KIAA1217: variants seen among roughly 807,000 people sequenced by gnomAD.
KIAA1217 encodes the protein sickle tail protein homolog.
Under a neutral mutation model 163.9 loss-of-function variants are expected in KIAA1217, and 88 were observed. The observed-to-expected ratio is 0.54, with a 90% CI of 0.45 to 0.64. KIAA1217 has a LOEUF of 0.64. Ranked by LOEUF, KIAA1217 falls within the 30% of genes least tolerant of loss-of-function variation. The pLI, the probability that KIAA1217 is intolerant of heterozygous loss-of-function variation, is 0.00. For missense variants in KIAA1217, 2,372 were observed against 2,475.0 expected (o/e 0.96, Z 0.88); for synonymous variants, 903 against 923.1 (o/e 0.98, Z 0.39).
intron 2 of KIAA1217, among the ~76,000 whole-genome samples, chr10:24,069,115 C>T (rs1002149778): frequency 6.6e-6 from 1 of 152,174 alleles, no homozygotes; most frequent in African/African-American, 2.4e-5. Flanking sequence ...GGGGGCAGAG[C>T]TACGGCAAGT....
At chr10:24,461,528 G>A (rs2062408681) in intron 5 of KIAA1217, among the ~76,000 whole-genome samples, 2 of 151,842 alleles carry the variant, frequency 1.3e-5, no homozygotes, top group African/African-American at 4.8e-5. Context: ...CTAGTTTTTT[G>A]TACTTTTAGT....
intron 1 of KIAA1217, among the ~76,000 whole-genome samples, chr10:23,705,226 T>G (rs1836809958): frequency 6.6e-6 from 1 of 152,170 alleles, no homozygotes; most frequent in Admixed American, 6.6e-5. Flanking sequence ...TCCTGTAGGT[T>G]TTCTTTTCAG....
At chr10:24,397,815 C>T (rs1378419970) in intron 3 of KIAA1217, among the ~76,000 whole-genome samples, 2 of 152,160 alleles carry the variant, frequency 1.3e-5, no homozygotes, top group Non-Finnish European at 2.9e-5. Context: ...CTATCCAGTG[C>T]CATTCACACC....
intron 1 of KIAA1217, among the ~76,000 whole-genome samples, chr10:23,948,784 T>TAA (rs1844180745): frequency 6.6e-6 from 1 of 152,084 alleles, no homozygotes; most frequent in Non-Finnish European, 1.5e-5. Context: ...ATGAATAAAA[T>TAA]AATAGATAAA....
At chr10:24,034,850 G>A (rs1489713575) in intron 2 of KIAA1217, among the ~76,000 whole-genome samples, 3 of 150,726 alleles carry the variant, frequency 2.0e-5, no homozygotes, top group Non-Finnish European at 3.0e-5. Flanking sequence ...AACACAGGAT[G>A]TTGTTCTCCC....
intron 5 of KIAA1217, among the ~76,000 whole-genome samples, chr10:24,452,838 C>T (rs1273421531): frequency 6.6e-6 from 1 of 152,070 alleles, no homozygotes; most frequent in Non-Finnish European, 1.5e-5. Context: ...AGGTGACAGA[C>T]ACCCCATTTA....
chr10:23,901,913 CAAAAAA>C (rs71397922), intron 1 of KIAA1217, among the ~76,000 whole-genome samples: 1 of 98,656 alleles, frequency 1.0e-5, no homozygotes. Context: ...GACTCTATCT[CAAAAAA>C]AAAAAAAAAA....
intron 3 of KIAA1217, among the ~76,000 whole-genome samples, chr10:24,392,905 GT>G (rs2055178522): frequency 6.6e-6 from 1 of 151,852 alleles, no homozygotes; most frequent in African/African-American, 2.4e-5. Flanking sequence ...ATGCCTTACT[GT>G]TTTCATAAAT....
chr10:23,934,623 A>ATTTTTTTTTT (rs1475453455), intron 1 of KIAA1217, among the ~76,000 whole-genome samples: 15 of 61,440 alleles, frequency 2.4e-4, no homozygotes, highest in South Asian at 1.1e-3. Flanking sequence ...ATATATATAT[A>ATTTTTTTTTT]TATTTTTTTT....
intron 3 of KIAA1217, among the ~76,000 whole-genome samples, chr10:24,403,677 A>G (rs1464030993): frequency 6.6e-6 from 1 of 152,240 alleles, no homozygotes; most frequent in Non-Finnish European, 1.5e-5. Flanking sequence ...CAATCCAATT[A>G]GAAATTGGAT....
chr10:23,770,260 G>GAC (rs1834734052), intron 1 of KIAA1217, among the ~76,000 whole-genome samples: 1 of 152,178 alleles, frequency 6.6e-6, no homozygotes, highest in South Asian at 2.1e-4. Context: ...TGGTTACCAT[G>GAC]TCTTCTACAC....
intron 6 of KIAA1217, among the ~76,000 whole-genome samples, chr10:24,487,764 C>G (rs548347736): frequency 6.6e-6 from 1 of 152,114 alleles, no homozygotes; most frequent in Non-Finnish European, 1.5e-5. Flanking sequence ...GGGAAAAGTG[C>G]CTAATGAGAA....
At position 24,091,685 on chromosome 10, in the gene KIAA1217, C is replaced by T. The variant is rs191813296; in HGVS notation, c.-171+84311C>T. On this transcript the variant is annotated intron_variant, in intron 2 of 18. Coordinates refer to the KIAA1217 transcript ENST00000376462. ...TTTGTAGAAACTAGGGTAAAACATA[C>T]CTCTGAGGATAAATAGTAACAATCT... Among the ~76,000 whole-genome samples, 6 of 151,850 alleles carry T rather than the reference C, an allele frequency of 4.0e-5. No individual in the cohort carries two copies. The East Asian group carries it at 7.7e-4, about 20-fold the overall frequency.
rs553469735 is a variant in KIAA1217, at chr10:23,854,637, G to A, written c.-320-152588G>A. Among the ~76,000 whole-genome samples the A allele has an allele frequency of 1.8e-4, 28 of 152,232 alleles. 1 individual carries two copies. The East Asian group carries it at 2.9e-3, about 16-fold the overall frequency. Reference sequence around the variant, plus strand: ...GGTGTTAAAGTCTCCCATTATTATCGTGTGGGAGTCTAAGTCTCTTTGTAG... The same window carrying A: ...GGTGTTAAAGTCTCCCATTATTATCATGTGGGAGTCTAAGTCTCTTTGTAG... On this transcript the variant is annotated intron_variant, in intron 1 of 18. Coordinates refer to the KIAA1217 transcript ENST00000376462.
At chr10:24,427,301 G>T (rs1591833129) in intron 3 of KIAA1217, among the ~76,000 whole-genome samples, 1 of 151,494 alleles carries the variant, frequency 6.6e-6, no homozygotes, top group African/African-American at 2.4e-5. Context: ...TTTCTGAGCT[G>T]CACCCAGCAC....
At chr10:23,944,948 G>T (rs934960943) in intron 1 of KIAA1217, among the ~76,000 whole-genome samples, 4 of 151,610 alleles carry the variant, frequency 2.6e-5, no homozygotes, top group Admixed American at 2.0e-4. Context: ...AATTCCAGCT[G>T]CTCTGGAGGC....
chr10:24,189,950 G>A (rs759005329), intron 2 of KIAA1217, among the ~76,000 whole-genome samples: 5 of 151,448 alleles, frequency 3.3e-5, no homozygotes, highest in Non-Finnish European at 5.9e-5. Flanking sequence ...GAGCCAAGGA[G>A]TTCAAGGCTG....
Position 24,381,062 on chromosome 10 carries a change from C to G in KIAA1217, c.548C>G (p.Ser183Cys). Reference sequence around the variant, plus strand: ...TCAACCAACCAGACGAAAGAAAGATCTCTGGGTAAGCTTTAGAAGGCAGTT... The same window carrying G: ...TCAACCAACCAGACGAAAGAAAGATGTCTGGGTAAGCTTTAGAAGGCAGTT... ...VRSTNQTKERSLGVLYLQYGD... is the reference protein window; with the variant it reads ...VRSTNQTKERCLGVLYLQYGD... The change falls in exon 3 of 21, where the codon TCT becomes TGT. Residue 183 changes from serine to cysteine, a missense_variant. Physicochemically the swap from Ser to Cys is moderately radical, Grantham distance 112. This residue lies in a region of KIAA1217 where 1,431 missense variants were observed against 1,470.3 expected (regional missense o/e 0.97). Transcript: ENST00000376454. The G allele has an allele frequency of 1.3e-6, 2 of 1,556,328 alleles. No homozygotes were observed. Among genetic ancestry groups the G allele is most frequent in the Non-Finnish European group, 1.7e-6 (2 of 1,149,832 alleles).
At chr10:24,490,316 G>A (rs2065949965) in intron 6 of KIAA1217, among the ~76,000 whole-genome samples, 1 of 152,188 alleles carries the variant, frequency 6.6e-6, no homozygotes, top group South Asian at 2.1e-4. Flanking sequence ...GAGCCTAAAT[G>A]TCTTTAATAT....
Sources: allele counts gnomAD v4.1 joint callset (sites outside exome capture counted in the v4.1 genomes callset), GRCh38; gene constraint gnomAD v4.1.1; regional missense constraint gnomAD v4.1.1; transcripts MANE v1.5; gene names NCBI Gene and HGNC (gene_info 2026-07-23, HGNC 2026-07-21).